Variants in EXOC6B observed in about 807,000 individuals in gnomAD.
EXOC6B encodes the protein exocyst complex component 6B.
EXOC6B carries 54 observed loss-of-function variants against 113.5 expected under a neutral mutation model. The observed-to-expected ratio is 0.48, with a 90% CI of 0.38 to 0.60. The LOEUF (loss-of-function observed/expected upper bound fraction) is 0.60, where lower values mean the gene tolerates loss of function less well. EXOC6B is among the 20% of genes least tolerant of loss of function. The pLI, the probability that EXOC6B is intolerant of heterozygous loss-of-function variation, is 0.00. For synonymous variants in EXOC6B, 357 were observed against 339.0 expected (o/e 1.05, Z -0.58); for missense variants, 797 against 977.5 (o/e 0.82, Z 2.46).
At chr2:72,194,948 G>A (rs1679080334) in intron 20 of EXOC6B, among the ~76,000 whole-genome samples, 1 of 152,164 alleles carries the variant, frequency 6.6e-6, no homozygotes, top group Admixed American at 6.5e-5. Flanking sequence ...AAGGCACAAA[G>A]AGTGGCTGTG....
At chr2:72,701,640 T>C (rs145376080) in intron 6 of EXOC6B, among the ~76,000 whole-genome samples, 4 of 152,310 alleles carry the variant, frequency 2.6e-5, no homozygotes, top group African/African-American at 4.8e-5. Context: ...ATGATTATCA[T>C]AAGGAATTCT....
intron 6 of EXOC6B, among the ~76,000 whole-genome samples, chr2:72,665,627 CT>C (rs1206790542): frequency 6.6e-6 from 1 of 152,086 alleles, no homozygotes; most frequent in East Asian, 1.9e-4. Flanking sequence ...AAGTAAAATC[CT>C]TTTCAGACAA....
chr2:72,680,457 T>C (rs1339545823), intron 6 of EXOC6B, among the ~76,000 whole-genome samples: 2 of 152,122 alleles, frequency 1.3e-5, no homozygotes, highest in African/African-American at 4.8e-5. Context: ...CATTTTGATC[T>C]GGCCTGGCTC....
intron 21 of EXOC6B, chr2:72,183,017 G>A: frequency 1.7e-6 from 1 of 594,038 alleles, no homozygotes; most frequent in East Asian, 3.5e-5. Context: ...TAGTCTCTTG[G>A]CTCCAAATAC....
chr2:72,494,427 A>G (rs960619586), intron 15 of EXOC6B, among the ~76,000 whole-genome samples: 2 of 152,146 alleles, frequency 1.3e-5, no homozygotes, highest in Non-Finnish European at 2.9e-5. Flanking sequence ...TTCTATGAAA[A>G]CAATTTCATT....
At chr2:72,715,554 G>A (rs1679559997) in intron 6 of EXOC6B, among the ~76,000 whole-genome samples, 1 of 151,686 alleles carries the variant, frequency 6.6e-6, no homozygotes, top group Non-Finnish European at 1.5e-5. Context: ...ATGAGCAAAG[G>A]AGTTCCTTCC....
chr2:72,764,521 G>T (rs1453619679), intron 1 of EXOC6B, among the ~76,000 whole-genome samples: 1 of 151,560 alleles, frequency 6.6e-6, no homozygotes, highest in Non-Finnish European at 1.5e-5. Context: ...AGAGGCATGT[G>T]CCACATCCAG....
At chr2:72,718,373 C>T in intron 5 of EXOC6B, 66 bp from the exon 6 acceptor site, 2 of 1,397,780 alleles carry the variant, frequency 1.4e-6, no homozygotes, top group Admixed American at 1.9e-5. Context: ...AATGTCTAGC[C>T]TGAATTGGTT....
intron 8 of EXOC6B, among the ~76,000 whole-genome samples, chr2:72,524,984 C>A (rs1455502904): frequency 6.6e-6 from 1 of 152,218 alleles, no homozygotes; most frequent in Non-Finnish European, 1.5e-5. Flanking sequence ...GTCTGATGTT[C>A]TAACAGAGCC....
intron 6 of EXOC6B, among the ~76,000 whole-genome samples, chr2:72,614,165 T>G (rs976409539): frequency 6.6e-6 from 1 of 152,198 alleles, no homozygotes; most frequent in African/African-American, 2.4e-5. Context: ...ACAAAGGGAA[T>G]AGGAATTAGC....
At chr2:72,528,486 ATTC>A (rs1402374468) in intron 8 of EXOC6B, among the ~76,000 whole-genome samples, 7 of 152,078 alleles carry the variant, frequency 4.6e-5, no homozygotes, top group African/African-American at 1.7e-4. Context: ...TCTCCAATTT[ATTC>A]TTCTTTTTTT....
intron 18 of EXOC6B, among the ~76,000 whole-genome samples, chr2:72,455,750 G>T (rs1057033135): frequency 6.6e-6 from 1 of 151,808 alleles, no homozygotes; most frequent in Non-Finnish European, 1.5e-5. Context: ...CTACATACAG[G>T]TACATTAGAA....
At chr2:72,800,662 G>A (rs1045740937) in intron 1 of EXOC6B, among the ~76,000 whole-genome samples, 1 of 152,094 alleles carries the variant, frequency 6.6e-6, no homozygotes, top group Non-Finnish European at 1.5e-5. Flanking sequence ...CAAAGATAAA[G>A]TGACTCACCC....
At chr2:72,776,079 T>G (rs928864047) in intron 1 of EXOC6B, among the ~76,000 whole-genome samples, 4 of 152,272 alleles carry the variant, frequency 2.6e-5, no homozygotes, top group Admixed American at 2.6e-4. Context: ...AATAAAAACA[T>G]ATAGAGATAA....
intron 11 of EXOC6B, among the ~76,000 whole-genome samples, chr2:72,511,243 TTGC>T (rs1700878206): frequency 6.6e-6 from 1 of 152,152 alleles, no homozygotes; most frequent in African/African-American, 2.4e-5. Context: ...CTCCTAGAAC[TTGC>T]TGCTTAGATG....
chr2:72,273,463 T>C (rs1684623135), intron 20 of EXOC6B, among the ~76,000 whole-genome samples: 1 of 152,132 alleles, frequency 6.6e-6, no homozygotes, highest in Non-Finnish European at 1.5e-5. Flanking sequence ...CACAGTATAG[T>C]ATGATATGCT....
In EXOC6B at chr2:72,405,052, T is replaced by A. The variant is rs181349851; in HGVS notation, c.1981-25182A>T. On this transcript the variant is annotated intron_variant, in intron 18 of 21. Coordinates refer to ENST00000272427, the MANE Select transcript of EXOC6B (RefSeq NM_015189.3). ...TGAAAACCATGGCACAAGAACTACG[T>A]GACAAATGCACAAGCCTCAGTAGCC... 9.9e-4 allele frequency among the ~76,000 whole-genome samples: 151 copies of A among 152,106 alleles called. 1 individual carries two copies. The highest frequency in any genetic ancestry group is 3.1e-3 in the African/African-American group (128 of 41,498).
At chr2:72,822,607 A>G (rs1686644996) in intron 1 of EXOC6B, among the ~76,000 whole-genome samples, 1 of 152,186 alleles carries the variant, frequency 6.6e-6, no homozygotes, top group African/African-American at 2.4e-5. Context: ...ATACACAAAT[A>G]ATAGCTGGCA....
intron 18 of EXOC6B, among the ~76,000 whole-genome samples, chr2:72,403,523 C>T (rs1046681677): frequency 6.6e-6 from 1 of 151,768 alleles, no homozygotes; most frequent in Non-Finnish European, 1.5e-5. Flanking sequence ...CTCATCTCTA[C>T]AAAAATAAAA....
Sources: gnomAD v4.1 joint callset for allele counts (sites outside exome capture counted in the v4.1 genomes callset) on GRCh38, gnomAD v4.1.1 for gene constraint, MANE v1.5 for transcripts, NCBI Gene and HGNC (gene_info 2026-07-23, HGNC 2026-07-21) for gene names.